The following EDA variants were observed in gnomAD, a reference collection of about 807,000 sequenced individuals.
EDA encodes the protein ectodysplasin-A.
In EDA, 2 loss-of-function variants were observed where a neutral mutation model predicts 23.6. The ratio of observed to expected loss-of-function variants is 0.08; its 90% CI spans 0.03 to 0.27. EDA has a LOEUF of 0.27. Ranked by LOEUF, EDA falls within the 10% of genes least tolerant of loss-of-function variation. EDA has a pLI of 1.00. For synonymous variants in EDA, 131 were observed against 132.0 expected, an observed-to-expected ratio of 0.99 and a Z score of 0.05; for missense variants, 229 against 324.2, an observed-to-expected ratio of 0.71 and a Z score of 2.26.
At chrX:69,827,520 A>G (rs1301038780) in intron 1 of EDA, among the ~76,000 whole-genome samples, 2 of 111,731 alleles carry the variant, frequency 1.8e-5, no homozygotes, top group African/African-American at 6.5e-5. Context: ...CATTCTTCAC[A>G]TAGTTCTCGA....
intron 1 of EDA, among the ~76,000 whole-genome samples, chrX:69,627,501 CCACACCCAGA>C (rs1932428391): frequency 1.8e-5 from 2 of 111,510 alleles, no homozygotes; most frequent in Non-Finnish European, 3.8e-5. Flanking sequence ...AGGTCCCTGG[CCACACCCAGA>C]CATACATCAT....
At chrX:69,887,079 A>T (rs1284307165) in intron 1 of EDA, among the ~76,000 whole-genome samples, 1 of 112,158 alleles carries the variant, frequency 8.9e-6, no homozygotes, top group Admixed American at 9.5e-5. Flanking sequence ...GCTCAGTGAG[A>T]TTCAAGGAAA....
chrX:69,873,834 C>G (rs2017602824), intron 1 of EDA, among the ~76,000 whole-genome samples: 1 of 111,804 alleles, frequency 8.9e-6, no homozygotes, highest in Admixed American at 9.5e-5. Context: ...TTCTATGAAG[C>G]CAGTATCACC....
At chrX:69,666,652 G>C (rs765412219) in intron 1 of EDA, among the ~76,000 whole-genome samples, 20 of 112,101 alleles carry the variant, frequency 1.8e-4, no homozygotes, top group African/African-American at 5.2e-4. Flanking sequence ...TTCCCACTTG[G>C]TCAGCTTATA....
chrX:69,766,535 G>A (rs1193043821), intron 1 of EDA, among the ~76,000 whole-genome samples: 1 of 111,458 alleles, frequency 9.0e-6, no homozygotes, highest in African/African-American at 3.3e-5. Flanking sequence ...AAGTGAGAAC[G>A]TGTAGTATTT....
At chrX:69,651,162 G>A (rs1039481808) in intron 1 of EDA, among the ~76,000 whole-genome samples, 3 of 111,842 alleles carry the variant, frequency 2.7e-5, no homozygotes, top group African/African-American at 9.8e-5. Flanking sequence ...TAGAGGGCAT[G>A]TTGGTGGGAC....
At chrX:69,917,153 C>G (rs906099608) in intron 1 of EDA, among the ~76,000 whole-genome samples, 1 of 110,603 alleles carries the variant, frequency 9.0e-6, no homozygotes, top group Admixed American at 9.6e-5. Context: ...CCAGGCTGGT[C>G]TCAAACTCCT....
At chrX:70,024,549 A>T (rs1192857120) in intron 3 of EDA, among the ~76,000 whole-genome samples, 1 of 112,862 alleles carries the variant, frequency 8.9e-6, no homozygotes, top group African/African-American at 3.2e-5. Flanking sequence ...AACTCAGATC[A>T]TTGCCTGGCA....
intron 1 of EDA, among the ~76,000 whole-genome samples, chrX:69,897,388 C>T (rs1056535498): frequency 6.3e-5 from 7 of 111,672 alleles, no homozygotes; most frequent in Admixed American, 9.6e-5. Flanking sequence ...CTTCTCCATT[C>T]GCCTTTTAGA....
intron 1 of EDA, among the ~76,000 whole-genome samples, chrX:69,678,295 G>T (rs1300089973): frequency 1.8e-5 from 2 of 109,520 alleles, no homozygotes; most frequent in Non-Finnish European, 3.8e-5. Flanking sequence ...GGATTGACTT[G>T]GTGATGCGGG....
chrX:69,949,528 C>T (rs1035929912), intron 1 of EDA, among the ~76,000 whole-genome samples: 3 of 111,549 alleles, frequency 2.7e-5, no homozygotes, highest in Non-Finnish European at 5.7e-5. Flanking sequence ...TTCTGATGTA[C>T]ACTGAAGTTT....
chrX:69,966,612 C>T, intron 2 of EDA, among the ~76,000 whole-genome samples: 1 of 108,189 alleles, frequency 9.2e-6, no homozygotes, highest in East Asian at 2.9e-4. Flanking sequence ...GTATATAGGT[C>T]ATACATAAAA....
intron 1 of EDA, among the ~76,000 whole-genome samples, chrX:69,676,269 T>A (rs1182253953): frequency 2.7e-5 from 3 of 111,732 alleles, no homozygotes; most frequent in African/African-American, 9.8e-5. Context: ...GAGACTAGAC[T>A]GTAGCAGGGC....
intron 1 of EDA, among the ~76,000 whole-genome samples, chrX:69,815,621 G>A (rs1206352934): frequency 1.8e-5 from 2 of 111,875 alleles, no homozygotes; most frequent in African/African-American, 3.2e-5. Flanking sequence ...CACACTAGGT[G>A]GGACCTCCCT....
At chrX:69,971,442 A>G (rs1295921829) in intron 2 of EDA, among the ~76,000 whole-genome samples, 1 of 112,562 alleles carries the variant, frequency 8.9e-6, no homozygotes, top group Non-Finnish European at 1.9e-5. Flanking sequence ...TGTTTAGTAT[A>G]TCATGCAACA....
At chrX:69,957,332 A>G in intron 2 of EDA, 200 bp downstream of exon 2, 1 of 396,382 alleles carries the variant, frequency 2.5e-6, no homozygotes. Flanking sequence ...TCTCTACTAA[A>G]AATACAAAAA....
At chrX:69,828,157 G>T (rs747524217) in intron 1 of EDA, among the ~76,000 whole-genome samples, 75 of 111,832 alleles carry the variant, frequency 6.7e-4, no homozygotes, top group African/African-American at 2.3e-3. Context: ...CTTTTTGTTT[G>T]TCTGTGCCCT....
intron 1 of EDA, among the ~76,000 whole-genome samples, chrX:69,737,719 A>C (rs144300725): frequency 0.012 from 1,342 of 112,082 alleles, 11 homozygotes; most frequent in Middle Eastern, 0.019. Flanking sequence ...TTTCTGCCTG[A>C]AGAGCTTAAT....
chrX:69,684,145 C>T (rs186853751), intron 1 of EDA, among the ~76,000 whole-genome samples: 79 of 112,147 alleles, frequency 7.0e-4, no homozygotes, highest in African/African-American at 2.4e-3. Context: ...GAGATACTCG[C>T]TTATAATTTA....
Sources: gnomAD v4.1 joint callset for allele counts (sites outside exome capture counted in the v4.1 genomes callset) on GRCh38, gnomAD v4.1.1 for gene constraint, MANE v1.5 for transcripts, NCBI Gene and HGNC (gene_info 2026-07-23, HGNC 2026-07-21) for gene names.